The following UVRAG variants were observed in gnomAD, a reference collection of about 807,000 sequenced individuals.
UVRAG encodes the protein UV radiation resistance-associated gene protein.
In UVRAG, 19 loss-of-function variants were observed where a neutral mutation model predicts 78.0. The observed-to-expected ratio is 0.24, with a 90% CI of 0.17 to 0.36. The LOEUF is 0.36. UVRAG is among the 10% of genes least tolerant of loss of function. The pLI, the probability that UVRAG is intolerant of heterozygous loss-of-function variation, is 1.00. For missense variants in UVRAG, 740 were observed against 853.8 expected, an observed-to-expected ratio of 0.87 and a Z score of 1.66; for synonymous variants, 323 against 324.6, an observed-to-expected ratio of 1.00 and a Z score of 0.05.
chr11:75,907,767 G>A (rs1947649410), intron 5 of UVRAG, among the ~76,000 whole-genome samples: 1 of 151,798 alleles, frequency 6.6e-6, no homozygotes, highest in Non-Finnish European at 1.5e-5. Context: ...GGGCTCTAGT[G>A]ATCCTCCTGC....
chr11:75,878,870 A>AC (rs756730956), intron 3 of UVRAG, among the ~76,000 whole-genome samples: 87 of 122,340 alleles, frequency 7.1e-4, no homozygotes, highest in Non-Finnish European at 1.3e-3. Context: ...AGAGAGAGAG[A>AC]CCGTGGGGAG....
At chr11:76,037,539 CAA>C (rs61354759) in intron 12 of UVRAG, among the ~76,000 whole-genome samples, 4 of 48,520 alleles carry the variant, frequency 8.2e-5, no homozygotes, top group Admixed American at 3.2e-4. Context: ...TTTGTCTTTA[CAA>C]AAAAAAAAAA....
chr11:76,041,305 C>A (rs1950644836), intron 12 of UVRAG, among the ~76,000 whole-genome samples: 1 of 152,182 alleles, frequency 6.6e-6, no homozygotes, highest in Non-Finnish European at 1.5e-5. Context: ...TACCCCAGCC[C>A]TTCTGAAGCT....
intron 12 of UVRAG, among the ~76,000 whole-genome samples, chr11:76,041,919 A>G (rs1401930718): frequency 6.6e-6 from 1 of 152,256 alleles, no homozygotes; most frequent in Non-Finnish European, 1.5e-5. Flanking sequence ...TGATATTATT[A>G]TCTACATTAT....
At chr11:76,056,344 A>G (rs1032419760) in intron 12 of UVRAG, among the ~76,000 whole-genome samples, 4 of 152,218 alleles carry the variant, frequency 2.6e-5, no homozygotes, top group Admixed American at 1.3e-4. Context: ...AAATGTTTTC[A>G]TATTTCTTGG....
rs1952703031 is a variant in UVRAG, at chr11:76,140,731, G to T, written c.1418G>T (p.Ser473Ile). 6.3e-7 allele frequency: 1 copy of T among 1,598,478 alleles called. No individual in the cohort carries two copies. Among genetic ancestry groups the T allele is most frequent in the Admixed American group, 1.7e-5 (1 of 57,212 alleles). The change falls in exon 15 of 15, where the codon AGT becomes ATT. Residue 473 changes from serine (S) to isoleucine (I), a missense_variant. Coordinates refer to ENST00000356136, the MANE Select transcript of UVRAG (RefSeq NM_003369.4). ...MVRCDRHHTSSAIPVPKRQSS... is the reference protein window; with the variant it reads ...MVRCDRHHTSIAIPVPKRQSS... The stretch of plus-strand genomic sequence containing the variant: ...TCTAGTGACAGACATCACACCTCCA[G>T]TGCAATCCCTGTTCCTAAGAGACAA...
intron 5 of UVRAG, among the ~76,000 whole-genome samples, chr11:75,898,953 AG>A (rs151138916): frequency 0.032 from 4,939 of 152,272 alleles, 267 homozygotes; most frequent in African/African-American, 0.11. Flanking sequence ...ATTCAGAAGT[AG>A]GGATTAACTG....
intron 12 of UVRAG, among the ~76,000 whole-genome samples, chr11:76,028,342 A>T (rs1264563555): frequency 1.3e-5 from 2 of 152,214 alleles, no homozygotes; most frequent in East Asian, 3.9e-4. Context: ...AAACTAGACC[A>T]ATTAATATAG....
intron 6 of UVRAG, among the ~76,000 whole-genome samples, chr11:75,929,950 T>G (rs1207015012): frequency 6.6e-6 from 1 of 152,222 alleles, no homozygotes; most frequent in East Asian, 1.9e-4. Context: ...ACTTCGTTCC[T>G]GTACCCATAT....
intron 6 of UVRAG, among the ~76,000 whole-genome samples, chr11:75,956,620 G>A (rs545408738): frequency 9.2e-5 from 14 of 152,160 alleles, no homozygotes; most frequent in South Asian, 4.2e-4. Flanking sequence ...TCCTGATCTC[G>A]TGGGTTCTTG....
At chr11:75,844,371 T>C (rs948162869) in intron 1 of UVRAG, among the ~76,000 whole-genome samples, 1 of 151,728 alleles carries the variant, frequency 6.6e-6, no homozygotes, top group African/African-American at 2.4e-5. Context: ...GGACTACAGG[T>C]GCCCGCCACC....
At chr11:75,934,980 G>A (rs1948336919) in intron 6 of UVRAG, 1 of 152,200 alleles carries the variant, frequency 6.6e-6, no homozygotes, top group Admixed American at 6.5e-5. Context: ...TGATCTCAGA[G>A]GCTAAGCAGG....
intron 12 of UVRAG, among the ~76,000 whole-genome samples, chr11:76,018,421 G>GT (rs532797833): frequency 3.0e-4 from 46 of 151,816 alleles, no homozygotes; most frequent in African/African-American, 1.0e-3. Flanking sequence ...GTTGTTGTTT[G>GT]TTTTTTTGAG....
intron 13 of UVRAG, among the ~76,000 whole-genome samples, chr11:76,073,928 A>G (rs1445089903): frequency 1.3e-5 from 2 of 152,230 alleles, no homozygotes; most frequent in African/African-American, 4.8e-5. Flanking sequence ...AGTGCAGAAG[A>G]CAATGTGAGA....
At chr11:75,828,805 A>ATATATTTT (rs1478310271) in intron 1 of UVRAG, among the ~76,000 whole-genome samples, 15 of 100,272 alleles carry the variant, frequency 1.5e-4, no homozygotes, top group African/African-American at 2.4e-4. Flanking sequence ...ATATATATAT[A>ATATATTTT]TTTTTTTTTT....
intron 9 of UVRAG, among the ~76,000 whole-genome samples, chr11:76,005,541 C>T (rs988920202): frequency 3.1e-4 from 47 of 152,326 alleles, no homozygotes; most frequent in African/African-American, 1.1e-3. Context: ...TTACACACCA[C>T]TCAATACAAC....
chr11:75,932,987 A>C (rs1029200106), intron 6 of UVRAG, among the ~76,000 whole-genome samples: 3 of 152,228 alleles, frequency 2.0e-5, no homozygotes, highest in African/African-American at 7.2e-5. Flanking sequence ...CATTCTTCAC[A>C]GAAATAGAAA....
intron 3 of UVRAG, among the ~76,000 whole-genome samples, chr11:75,877,680 C>T (rs1174177693): frequency 5.2e-4 from 69 of 133,210 alleles, no homozygotes; most frequent in Non-Finnish European, 8.8e-4. Flanking sequence ...CCAGTAGGGG[C>T]GGCTGGGCAG....
At chr11:76,128,686 A>G (rs1952458222) in intron 14 of UVRAG, among the ~76,000 whole-genome samples, 1 of 152,038 alleles carries the variant, frequency 6.6e-6, no homozygotes, top group African/African-American at 2.4e-5. Context: ...GCGCCATCAT[A>G]GCTCACTGCA....
Sources: gnomAD v4.1 joint callset for allele counts (sites outside exome capture counted in the v4.1 genomes callset) on GRCh38, gnomAD v4.1.1 for gene constraint, MANE v1.5 for transcripts, NCBI Gene and HGNC (gene_info 2026-07-23, HGNC 2026-07-21) for gene names.